Variants in MBD5 observed in about 807,000 individuals in gnomAD.
MBD5 encodes methyl-CpG-binding domain protein 5.
A neutral mutation model predicts 117.3 loss-of-function variants in MBD5; 13 were observed. That is an observed-to-expected ratio of 0.11 (90% confidence interval 0.07 to 0.18). MBD5 has a LOEUF of 0.18. Among genes scored for constraint, MBD5 ranks in the 10% least tolerant of loss-of-function variants. The pLI is 1.00. For missense variants in MBD5, 1,879 were observed against 2,093.8 expected (o/e 0.90, Z 2.00); for synonymous variants, 727 against 766.4 (o/e 0.95, Z 0.85).
chr2:148,392,397 T>C (rs1301957327), intron 4 of MBD5, among the ~76,000 whole-genome samples: 2 of 152,202 alleles, frequency 1.3e-5, no homozygotes, highest in Admixed American at 1.3e-4. Context: ...CTGGAGTTGC[T>C]TGTTAAAAAT....
intron 1 of MBD5, among the ~76,000 whole-genome samples, chr2:148,149,014 G>A (rs1035261060): frequency 1.4e-4 from 21 of 152,026 alleles, no homozygotes; most frequent in African/African-American, 5.1e-4. Context: ...ATGTATACAT[G>A]TGCCATGCTG....
intron 4 of MBD5, among the ~76,000 whole-genome samples, chr2:148,424,410 C>T (rs1295896364): frequency 6.6e-6 from 1 of 151,770 alleles, no homozygotes; most frequent in African/African-American, 2.4e-5. Context: ...TACAAAGAGA[C>T]TTAGACTCCC....
At chr2:148,140,846 A>G (rs1697296012) in intron 1 of MBD5, among the ~76,000 whole-genome samples, 3 of 151,878 alleles carry the variant, frequency 2.0e-5, no homozygotes, top group Non-Finnish European at 2.9e-5. Flanking sequence ...GCCCACTGCA[A>G]CCTCTGCCTC....
intron 2 of MBD5, among the ~76,000 whole-genome samples, chr2:148,197,215 A>G (rs1318789834): frequency 6.6e-6 from 1 of 152,116 alleles, no homozygotes; most frequent in African/African-American, 2.4e-5. Context: ...CAGTCCCCAT[A>G]TTGTGAGGAA....
rs184408542 is a variant in MBD5, at chr2:148,382,225, A to G, written c.-557+39889A>G. ...CAGGAAACCCATCTCACGTGCAGAG[A>G]CACACATAGGCTCAAAATAAAGGGA... On this transcript the variant is annotated intron_variant, in intron 4 of 13. Coordinates refer to ENST00000642680, the MANE Select transcript of MBD5 (RefSeq NM_001378120.1). Among the ~76,000 whole-genome samples the G allele has an allele frequency of 2.5e-3, 373 of 151,960 alleles. 1 individual carries two copies. Among genetic ancestry groups the G allele is most frequent in the African/African-American group, 8.4e-3 (348 of 41,438 alleles).
At chr2:148,281,358 C>T (rs1259683292) in intron 3 of MBD5, among the ~76,000 whole-genome samples, 1 of 152,034 alleles carries the variant, frequency 6.6e-6, no homozygotes, top group Admixed American at 6.5e-5. Context: ...TCTAATATAT[C>T]CTGTCTACTA....
chr2:148,356,144 C>G (rs148936799), intron 4 of MBD5, among the ~76,000 whole-genome samples: 5 of 152,042 alleles, frequency 3.3e-5, no homozygotes, highest in African/African-American at 1.2e-4. Context: ...TATTTTGCAA[C>G]CATAATTAAC....
In MBD5 at chr2:148,233,325, T is replaced by C. The variant is rs1700031498; in HGVS notation, c.-750T>C. 1.3e-5 allele frequency: 2 copies of C among 152,328 alleles called. No homozygotes were observed. The highest frequency in any genetic ancestry group is 1.5e-5 in the Non-Finnish European group (1 of 68,022). 9.4% of individuals were successfully genotyped at this position (152,328 alleles called of 1,614,324 possible). ...AATCCATAGAACCCTAATGCTTCTT[T>C]AGTTCCATCAAACACAGAGGAATGA... is the stretch of plus-strand genomic sequence containing the variant. On this transcript the variant is annotated 5_prime_UTR_variant, in exon 3 of 14. The change abolishes the stop of an existing upstream ORF in the 5' untranslated region. Coordinates refer to ENST00000642680, the MANE Select transcript of MBD5 (RefSeq NM_001378120.1).
At chr2:148,488,196 G>T (rs1413120507) in intron 10 of MBD5, among the ~76,000 whole-genome samples, 1 of 152,218 alleles carries the variant, frequency 6.6e-6, no homozygotes, top group African/African-American at 2.4e-5. Flanking sequence ...AGGGGGCAGG[G>T]AGTATCAGAG....
intron 1 of MBD5, among the ~76,000 whole-genome samples, chr2:148,101,514 T>G (rs1696216460): frequency 6.6e-6 from 1 of 152,128 alleles, no homozygotes; most frequent in African/African-American, 2.4e-5. Flanking sequence ...TATTTTTAAT[T>G]AAAATAGTGA....
At chr2:148,447,818 T>C (rs1208155285) in intron 4 of MBD5, 1 of 152,166 alleles carries the variant, frequency 6.6e-6, no homozygotes, top group Non-Finnish European at 1.5e-5. Context: ...ATTATTATTC[T>C]TAAACCATGT....
intron 4 of MBD5, among the ~76,000 whole-genome samples, chr2:148,410,908 A>G: frequency 6.6e-6 from 1 of 152,144 alleles, no homozygotes; most frequent in Non-Finnish European, 1.5e-5. Context: ...TTTGTTATAT[A>G]GGTAAATTGC....
At chr2:148,167,182 T>C (rs1698146517) in intron 1 of MBD5, among the ~76,000 whole-genome samples, 1 of 152,204 alleles carries the variant, frequency 6.6e-6, no homozygotes, top group Admixed American at 6.5e-5. Context: ...AGGAAAAGAA[T>C]TTTTAGTCTT....
chr2:148,238,954 G>C (rs1465198452), intron 3 of MBD5, among the ~76,000 whole-genome samples: 2 of 151,552 alleles, frequency 1.3e-5, no homozygotes, highest in Admixed American at 1.3e-4. Flanking sequence ...GTTAGGACTT[G>C]AACATATTTT....
At chr2:148,052,126 A>C (rs1350982660) in intron 1 of MBD5, among the ~76,000 whole-genome samples, 2 of 103,740 alleles carry the variant, frequency 1.9e-5, no homozygotes, top group South Asian at 5.7e-4. Context: ...TTGTGGGTTT[A>C]TTTTTCTCTT....
At chr2:148,237,649 G>A (rs1700119552) in intron 3 of MBD5, among the ~76,000 whole-genome samples, 1 of 152,168 alleles carries the variant, frequency 6.6e-6, no homozygotes, top group Non-Finnish European at 1.5e-5. Context: ...GAAAAAGTTT[G>A]AAATATTGTG....
At chr2:148,487,316 G>A (rs192928235) in intron 10 of MBD5, among the ~76,000 whole-genome samples, 20 of 152,230 alleles carry the variant, frequency 1.3e-4, no homozygotes, top group Admixed American at 7.2e-4. Context: ...CAGAATCTAG[G>A]ACCATCCCAT....
chr2:148,064,121 C>T (rs1236204867), intron 1 of MBD5, among the ~76,000 whole-genome samples: 19 of 126,140 alleles, frequency 1.5e-4, no homozygotes, highest in African/African-American at 4.7e-4. Flanking sequence ...CACCAGCTGT[C>T]TTTTTTCTTT....
intron 4 of MBD5, among the ~76,000 whole-genome samples, chr2:148,452,800 T>C (rs1320286648): frequency 2.6e-5 from 4 of 152,168 alleles, no homozygotes. Context: ...GTCACACTTT[T>C]TGAACACAGA....
Sources: gnomAD v4.1 joint callset for allele counts (sites outside exome capture counted in the v4.1 genomes callset) on GRCh38, gnomAD v4.1.1 for gene constraint, MANE v1.5 for transcripts, NCBI Gene and HGNC (gene_info 2026-07-23, HGNC 2026-07-21) for gene names.